The following FRMD4B variants were observed in gnomAD, a reference collection of about 807,000 sequenced individuals.
FRMD4B encodes the protein FERM domain containing 4B.
Under a neutral mutation model 141.5 loss-of-function variants are expected in FRMD4B, and 74 were observed. The observed-to-expected ratio is 0.52, with a 90% CI of 0.43 to 0.63. The LOEUF (loss-of-function observed/expected upper bound fraction) is 0.63, where lower values mean the gene tolerates loss of function less well. FRMD4B is among the 30% of genes least tolerant of loss of function. The probability of loss-of-function intolerance (pLI) is 0.00; values close to 1 mark genes in which losing one functional copy is unlikely to be tolerated. For missense variants in FRMD4B, 1,366 were observed against 1,253.4 expected, an observed-to-expected ratio of 1.09 and a Z score of -1.36; for synonymous variants, 506 against 467.9, an observed-to-expected ratio of 1.08 and a Z score of -1.05.
chr3:69,225,416 C>T (rs1345825303), intron 7 of FRMD4B, among the ~76,000 whole-genome samples: 1 of 150,470 alleles, frequency 6.6e-6, no homozygotes, highest in Non-Finnish European at 1.5e-5. Flanking sequence ...TGGCTTACGC[C>T]TGTAATCCCA....
chr3:69,260,076 G>A (rs1043543774), intron 5 of FRMD4B, among the ~76,000 whole-genome samples: 8 of 151,982 alleles, frequency 5.3e-5, no homozygotes, highest in Non-Finnish European at 1.0e-4. Flanking sequence ...TATAGCAAAC[G>A]CTTTTTTTTC....
chr3:69,492,732 G>A (rs557567876), intron 1 of FRMD4B, among the ~76,000 whole-genome samples: 10 of 152,264 alleles, frequency 6.6e-5, no homozygotes, highest in East Asian at 3.9e-4. Context: ...CCATTTAGGC[G>A]GTCATGATTT....
chr3:69,278,253 C>T (rs1166530791), intron 5 of FRMD4B, among the ~76,000 whole-genome samples: 2 of 152,126 alleles, frequency 1.3e-5, no homozygotes, highest in African/African-American at 4.8e-5. Flanking sequence ...TTAGGTTAAA[C>T]CAAATCAAAT....
intron 4 of FRMD4B, chr3:69,293,153 C>T: frequency 6.9e-6 from 2 of 288,378 alleles, no homozygotes; most frequent in Non-Finnish European, 1.4e-5. Context: ...GGGACACAGC[C>T]CTGCCAGCCA....
chr3:69,390,465 C>T (rs898989276), upstream of FRMD4B, among the ~76,000 whole-genome samples: 1 of 152,152 alleles, frequency 6.6e-6, no homozygotes, highest in African/African-American at 2.4e-5. Flanking sequence ...CTGGGAGATG[C>T]TACTGGCGTC....
intron 1 of FRMD4B, among the ~76,000 whole-genome samples, chr3:69,501,424 C>T (rs1353398910): frequency 6.6e-6 from 1 of 152,042 alleles, no homozygotes; most frequent in Non-Finnish European, 1.5e-5. Flanking sequence ...GATTCTGTAG[C>T]TCAGCTTCTT....
intron 1 of FRMD4B, among the ~76,000 whole-genome samples, chr3:69,443,572 G>T (rs1705369992): frequency 6.6e-6 from 1 of 152,138 alleles, no homozygotes; most frequent in African/African-American, 2.4e-5. Flanking sequence ...CTGAAATGGG[G>T]TAGTCTTATG....
chr3:69,240,549 T>C (rs1476738587), intron 7 of FRMD4B, among the ~76,000 whole-genome samples: 2 of 148,806 alleles, frequency 1.3e-5, no homozygotes, highest in African/African-American at 4.9e-5. Context: ...AATGTTTTCC[T>C]ACAAAAGAAT....
At chr3:69,300,331 T>C (rs897634744) in intron 4 of FRMD4B, among the ~76,000 whole-genome samples, 1 of 152,224 alleles carries the variant, frequency 6.6e-6, no homozygotes, top group African/African-American at 2.4e-5. Flanking sequence ...AAGTGAATAA[T>C]TAAAAACTTG....
At chr3:69,325,084 AAAAAGAAAGAAAGAAAGAAAG>A (rs1559806178) in intron 1 of FRMD4B, among the ~76,000 whole-genome samples, 3 of 140,338 alleles carry the variant, frequency 2.1e-5, no homozygotes, top group Non-Finnish European at 3.1e-5. Flanking sequence ...CTAAAAAAAA[AAAAAGAAAGAAAGAAAGAAAG>A]AAAGAAAGAA....
intron 1 of FRMD4B, among the ~76,000 whole-genome samples, chr3:69,446,188 T>C (rs770276302): frequency 6.6e-6 from 1 of 151,768 alleles, no homozygotes; most frequent in Non-Finnish European, 1.5e-5. Context: ...CCACCATGCC[T>C]GGCTAATTTT....
chr3:69,398,770 T>C (rs1309496481), intron 2 of FRMD4B, among the ~76,000 whole-genome samples: 1 of 152,194 alleles, frequency 6.6e-6, no homozygotes, highest in Admixed American at 6.5e-5. Context: ...CCTTTTCATC[T>C]TAACCCCACA....
chr3:69,276,081 C>G (rs540688595), intron 5 of FRMD4B, among the ~76,000 whole-genome samples: 2 of 152,236 alleles, frequency 1.3e-5, no homozygotes, highest in South Asian at 4.2e-4. Flanking sequence ...AATGGCTGTA[C>G]AATATCCTAT....
chr3:69,384,770 G>C (rs899782033), intron 1 of FRMD4B, among the ~76,000 whole-genome samples: 4 of 152,146 alleles, frequency 2.6e-5, no homozygotes, highest in Non-Finnish European at 4.4e-5. Flanking sequence ...CTAACCTTAG[G>C]TGCTGGCCTT....
At chr3:69,228,201 A>G (rs1049969598) in intron 7 of FRMD4B, among the ~76,000 whole-genome samples, 1 of 152,222 alleles carries the variant, frequency 6.6e-6, no homozygotes, top group Non-Finnish European at 1.5e-5. Flanking sequence ...CAAAATGTCA[A>G]TAGTGCTGAG....
At chr3:69,433,230 C>T (rs185555692) in intron 1 of FRMD4B, 6 of 152,228 alleles carry the variant, frequency 3.9e-5, no homozygotes, top group Non-Finnish European at 7.4e-5. Flanking sequence ...GAATGAAACA[C>T]GTCATGAATA....
At position 69,176,553 on chromosome 3, in the gene FRMD4B, A is replaced by G. The variant is rs368493743; in HGVS notation, c.2955T>C (p.Asn985=). Residue 985 remains asparagine, a synonymous_variant, in exon 22 of 23, where the codon AAT becomes AAC. Transcript: ENST00000398540. The part of the protein sequence containing the change: ...AHSSYTSCYG[N]VYNPLPSPSR... Reference sequence around the variant, plus strand: ...TTGGAGAGGGTAAAGGATTATAGACATTGCCATAGCAGCTGGTGTAAGAAG... The same window carrying G: ...TTGGAGAGGGTAAAGGATTATAGACGTTGCCATAGCAGCTGGTGTAAGAAG... 11 of 1,612,468 alleles carry G rather than the reference A, an allele frequency of 6.8e-6. No homozygotes were observed. The Admixed American group carries it at 8.3e-5, about 12-fold the overall frequency.
chr3:69,210,737 G>A (rs561298303), intron 11 of FRMD4B, among the ~76,000 whole-genome samples: 1 of 152,202 alleles, frequency 6.6e-6, no homozygotes, highest in East Asian at 1.9e-4. Context: ...GTGGAGGCCG[G>A]GTGTAGTGGC....
chr3:69,388,573 C>G (rs1481707499), upstream of FRMD4B, among the ~76,000 whole-genome samples: 2 of 152,104 alleles, frequency 1.3e-5, no homozygotes, highest in Non-Finnish European at 2.9e-5. Flanking sequence ...GAGACCCACC[C>G]AACTTCAGAT....
Sources: gnomAD v4.1 joint callset for allele counts (sites outside exome capture counted in the v4.1 genomes callset) on GRCh38, gnomAD v4.1.1 for gene constraint, MANE v1.5 for transcripts, NCBI Gene and HGNC (gene_info 2026-07-23, HGNC 2026-07-21) for gene names.